LTBP1: variants seen among roughly 807,000 people sequenced by gnomAD.
LTBP1 encodes the protein latent-transforming growth factor beta-binding protein 1.
A neutral mutation model predicts 207.6 loss-of-function variants in LTBP1; 129 were observed. The observed-to-expected ratio is 0.62, with a 90% CI of 0.54 to 0.72. LTBP1 has a LOEUF of 0.72. Among genes scored for constraint, LTBP1 ranks in the 30% least tolerant of loss-of-function variants. LTBP1 has a pLI of 0.00. For synonymous variants in LTBP1, 963 were observed against 833.7 expected (o/e 1.16, Z -2.67); for missense variants, 2,281 against 2,217.2 (o/e 1.03, Z -0.58).
intron 23 of LTBP1, among the ~76,000 whole-genome samples, chr2:33,310,785 C>G (rs2094174273): frequency 6.6e-6 from 1 of 152,214 alleles, no homozygotes; most frequent in African/African-American, 2.4e-5. Context: ...ACATTTTTAG[C>G]TATACCTGAC....
chr2:33,376,836 A>G (rs1251744161), intron 31 of LTBP1, among the ~76,000 whole-genome samples: 1 of 152,086 alleles, frequency 6.6e-6, no homozygotes, highest in Non-Finnish European at 1.5e-5. Context: ...ACTGGGGAAG[A>G]GGTACTGGAT....
intron 5 of LTBP1, among the ~76,000 whole-genome samples, chr2:33,170,438 G>A (rs1433888489): frequency 2.6e-5 from 4 of 152,030 alleles, no homozygotes; most frequent in Admixed American, 6.5e-5. Context: ...GCAAGGCCGC[G>A]GCCAGGCTGG....
chr2:33,106,502 G>A (rs1359044670), intron 3 of LTBP1, among the ~76,000 whole-genome samples: 2 of 152,202 alleles, frequency 1.3e-5, no homozygotes, highest in South Asian at 4.1e-4. Flanking sequence ...CAGAATGGAT[G>A]TTGTGTTAGC....
At chr2:33,077,011 G>T (rs2078120777) in intron 3 of LTBP1, among the ~76,000 whole-genome samples, 1 of 152,130 alleles carries the variant, frequency 6.6e-6, no homozygotes, top group Non-Finnish European at 1.5e-5. Flanking sequence ...CTCCTCCTCT[G>T]CCAGTTGAGA....
chr2:33,380,424 C>CAA (rs35730871), intron 31 of LTBP1, among the ~76,000 whole-genome samples: 26,264 of 125,388 alleles, frequency 0.21, 2,685 homozygotes, highest in South Asian at 0.28. Context: ...TAAAAAAATA[C>CAA]AAAAAAAAAA....
At chr2:33,078,087 AAATTTTGG>A in intron 3 of LTBP1, among the ~76,000 whole-genome samples, 1 of 152,294 alleles carries the variant, frequency 6.6e-6, no homozygotes, top group South Asian at 2.1e-4. Context: ...CTAGATGCAT[AAATTTTGG>A]AGACAATTTA....
At chr2:33,037,234 A>T (rs1181928658) in intron 3 of LTBP1, among the ~76,000 whole-genome samples, 1 of 152,198 alleles carries the variant, frequency 6.6e-6, no homozygotes, top group East Asian at 1.9e-4. Flanking sequence ...CTAAATATGT[A>T]AGTCTGTTTC....
intron 19 of LTBP1, among the ~76,000 whole-genome samples, chr2:33,290,675 A>G (rs1202053155): frequency 6.6e-6 from 1 of 152,242 alleles, no homozygotes; most frequent in African/African-American, 2.4e-5. Context: ...GGCAATAACA[A>G]TGTGAGGAAA....
intron 23 of LTBP1, 131 bp from the exon 24 acceptor site, chr2:33,315,013 C>A: frequency 2.8e-6 from 2 of 708,850 alleles, no homozygotes; most frequent in South Asian, 2.1e-5. Context: ...GATTTATGGA[C>A]AAATGGTATA....
At chr2:33,074,140 T>C (rs764132082) in intron 3 of LTBP1, among the ~76,000 whole-genome samples, 2 of 152,248 alleles carry the variant, frequency 1.3e-5, no homozygotes, top group Non-Finnish European at 2.9e-5. Context: ...TTGATTATAT[T>C]TGGCTTCACA....
At chr2:33,167,026 G>A (rs1195485234) in intron 5 of LTBP1, among the ~76,000 whole-genome samples, 2 of 152,056 alleles carry the variant, frequency 1.3e-5, no homozygotes, top group African/African-American at 2.4e-5. Flanking sequence ...TAGCTACTCC[G>A]GGGTTGACCC....
intron 5 of LTBP1, among the ~76,000 whole-genome samples, chr2:33,158,209 A>G (rs1224018118): frequency 6.6e-6 from 1 of 151,972 alleles, no homozygotes; most frequent in Non-Finnish European, 1.5e-5. Context: ...AGTATTCCTC[A>G]GTCATTTTGT....
chr2:32,957,024 T>C, intron 2 of LTBP1, among the ~76,000 whole-genome samples: 1 of 152,232 alleles, frequency 6.6e-6, no homozygotes, highest in Non-Finnish European at 1.5e-5. Context: ...AACCATGCTG[T>C]AAACACACAG....
chr2:33,078,406 A>C (rs1191214596), intron 3 of LTBP1, among the ~76,000 whole-genome samples: 1 of 152,162 alleles, frequency 6.6e-6, no homozygotes. Context: ...CCTTACCTAA[A>C]ATTAGCTGTG....
intron 2 of LTBP1, among the ~76,000 whole-genome samples, chr2:32,954,920 A>G (rs1677833965): frequency 6.6e-6 from 1 of 152,154 alleles, no homozygotes; most frequent in Admixed American, 6.5e-5. Flanking sequence ...GGAATTGGCC[A>G]CAGGTAATTT....
intron 7 of LTBP1, among the ~76,000 whole-genome samples, chr2:33,212,536 C>G (rs1350943370): frequency 6.6e-6 from 1 of 152,170 alleles, no homozygotes; most frequent in African/African-American, 2.4e-5. Context: ...AACCTTAGAC[C>G]TTGCAGAAAT....
At position 33,389,167 on chromosome 2, in the gene LTBP1, G is replaced by A. The variant is rs754534129; in HGVS notation, c.4712-17G>A. The A allele has an allele frequency of 5.6e-6, 9 of 1,613,876 alleles. No individual in the cohort carries two copies. In the African/African-American group the frequency reaches 1.2e-4, roughly 22 times the overall value. ...GCTAACAGTGGTGGGGCCTCATGCTGCTTGTCTACTCCTTAGATGACTATG... is the reference window on the plus strand; with the variant it reads ...GCTAACAGTGGTGGGGCCTCATGCTACTTGTCTACTCCTTAGATGACTATG... On this transcript the variant is annotated splice_polypyrimidine_tract_variant and intron_variant, in intron 31 of 33. Coordinates refer to ENST00000404816, the MANE Select transcript of LTBP1 (RefSeq NM_206943.4).
chr2:33,136,772 A>G (rs1022302440), intron 5 of LTBP1, among the ~76,000 whole-genome samples: 1 of 152,210 alleles, frequency 6.6e-6, no homozygotes, highest in Non-Finnish European at 1.5e-5. Context: ...GTTGAAACAC[A>G]CCACACACTT....
chr2:33,171,091 A>T (rs1227251319), intron 5 of LTBP1, among the ~76,000 whole-genome samples: 3 of 104,490 alleles, frequency 2.9e-5, no homozygotes, highest in African/African-American at 1.1e-4. Flanking sequence ...GGAAACTCTA[A>T]AAAGCAGAGC....
Sources: gnomAD v4.1 joint callset for allele counts (sites outside exome capture counted in the v4.1 genomes callset) on GRCh38, gnomAD v4.1.1 for gene constraint, MANE v1.5 for transcripts, NCBI Gene and HGNC (gene_info 2026-07-23, HGNC 2026-07-21) for gene names.